Variants in PTPRM observed in about 807,000 individuals in gnomAD.
PTPRM encodes receptor-type tyrosine-protein phosphatase mu.
PTPRM carries 47 observed loss-of-function variants against 186.7 expected under a neutral mutation model. That is an observed-to-expected ratio of 0.25 (90% CI 0.20 to 0.32). The LOEUF (loss-of-function observed/expected upper bound fraction) is 0.32. PTPRM is among the 10% of genes least tolerant of loss of function. PTPRM has a pLI of 1.00. For synonymous variants in PTPRM, 668 were observed against 674.9 expected, an observed-to-expected ratio of 0.99 and a Z score of 0.16; for missense variants, 1,494 against 1,865.0, an observed-to-expected ratio of 0.80 and a Z score of 3.66.
intron 2 of PTPRM, among the ~76,000 whole-genome samples, chr18:7,782,202 T>C (rs1218101009): frequency 6.6e-6 from 1 of 152,198 alleles, no homozygotes; most frequent in Non-Finnish European, 1.5e-5. Flanking sequence ...CTCTTTTCCA[T>C]GTGCGTGGAC....
chr18:7,902,525 C>T (rs1043133638), intron 3 of PTPRM, among the ~76,000 whole-genome samples: 2 of 152,082 alleles, frequency 1.3e-5, no homozygotes, highest in Admixed American at 6.6e-5. Flanking sequence ...CATGGTTCTG[C>T]GTCAGGAAAG....
At chr18:7,822,215 G>C (rs2045238032) in intron 2 of PTPRM, among the ~76,000 whole-genome samples, 1 of 152,210 alleles carries the variant, frequency 6.6e-6, no homozygotes, top group Admixed American at 6.5e-5. Context: ...GGAGGTGTGT[G>C]TATATCCAGA....
intron 1 of PTPRM, among the ~76,000 whole-genome samples, chr18:7,637,392 A>T (rs1272925252): frequency 6.6e-6 from 1 of 152,164 alleles, no homozygotes; most frequent in African/African-American, 2.4e-5. Flanking sequence ...ATTGCATGTT[A>T]TGATATTCTT....
At chr18:7,898,384 A>G (rs2049481425) in intron 3 of PTPRM, among the ~76,000 whole-genome samples, 1 of 152,172 alleles carries the variant, frequency 6.6e-6, no homozygotes, top group Non-Finnish European at 1.5e-5. Flanking sequence ...TTGCTTACAC[A>G]TAGCAAGGAA....
intron 7 of PTPRM, among the ~76,000 whole-genome samples, chr18:7,960,022 G>C (rs1056123705): frequency 1.3e-5 from 2 of 152,158 alleles, no homozygotes; most frequent in Non-Finnish European, 2.9e-5. Flanking sequence ...ATAAGCCATT[G>C]AATAGTAGCT....
At chr18:8,116,060 T>G (rs2091944348) in intron 13 of PTPRM, among the ~76,000 whole-genome samples, 1 of 152,228 alleles carries the variant, frequency 6.6e-6, no homozygotes, top group Non-Finnish European at 1.5e-5. Context: ...AAATTGATAT[T>G]TACTGAAATT....
chr18:8,126,014 TATATATATATATA>T (rs1421565670), intron 13 of PTPRM, among the ~76,000 whole-genome samples: 8 of 24,618 alleles, frequency 3.2e-4, no homozygotes, highest in Middle Eastern at 0.017. Flanking sequence ...TATATATATA[TATATATATATATA>T]TTTTAAATCA....
chr18:8,164,372 A>G (rs1195665412), intron 14 of PTPRM, among the ~76,000 whole-genome samples: 2 of 152,254 alleles, frequency 1.3e-5, no homozygotes, highest in Non-Finnish European at 2.9e-5. Context: ...AAATGAAAAC[A>G]GGGACTCAAA....
At chr18:8,191,558 A>G (rs899241484) in intron 14 of PTPRM, among the ~76,000 whole-genome samples, 3 of 152,170 alleles carry the variant, frequency 2.0e-5, no homozygotes, top group South Asian at 4.1e-4. Context: ...TGTGTAACGA[A>G]AAAGGGGGTA....
At chr18:7,788,111 G>T (rs749048707) in intron 2 of PTPRM, among the ~76,000 whole-genome samples, 43 of 152,174 alleles carry the variant, frequency 2.8e-4, no homozygotes, top group Non-Finnish European at 5.1e-4. Context: ...ACAGTTACAG[G>T]CTCAGAGAAG....
At chr18:8,181,567 G>A (rs1468563543) in intron 14 of PTPRM, among the ~76,000 whole-genome samples, 1 of 152,210 alleles carries the variant, frequency 6.6e-6, no homozygotes, top group Non-Finnish European at 1.5e-5. Flanking sequence ...ATGACCAAGT[G>A]CCAGAAAGCC....
chr18:7,655,004 A>G (rs963835442), intron 1 of PTPRM, among the ~76,000 whole-genome samples: 4 of 152,212 alleles, frequency 2.6e-5, no homozygotes, highest in Admixed American at 2.0e-4. Context: ...GTGGTAGTTT[A>G]CTAAGAATAG....
At chr18:7,994,005 G>C (rs930043482) in intron 7 of PTPRM, among the ~76,000 whole-genome samples, 1 of 151,972 alleles carries the variant, frequency 6.6e-6, no homozygotes, top group African/African-American at 2.4e-5. Context: ...CCAGTTAAAA[G>C]ATATGGACTC....
chr18:7,967,178 A>AC (rs1262915556), intron 7 of PTPRM, among the ~76,000 whole-genome samples: 1 of 35,708 alleles, frequency 2.8e-5, no homozygotes, highest in African/African-American at 8.2e-5. Context: ...ACTGGGAGGC[A>AC]CCCCCCAGCA....
chr18:7,618,060 C>G (rs2037849473), intron 1 of PTPRM, among the ~76,000 whole-genome samples: 1 of 151,974 alleles, frequency 6.6e-6, no homozygotes, highest in East Asian at 1.9e-4. Flanking sequence ...GATGACAGAC[C>G]CATATTGGAA....
chr18:8,061,529 G>T (rs1277157060), intron 7 of PTPRM, among the ~76,000 whole-genome samples: 1 of 92,582 alleles, frequency 1.1e-5, no homozygotes, highest in Non-Finnish European at 2.3e-5. Context: ...TTGCTCGTTA[G>T]TTGATGCAGT....
At chr18:7,996,026 T>C (rs936427945) in intron 7 of PTPRM, among the ~76,000 whole-genome samples, 3 of 152,176 alleles carry the variant, frequency 2.0e-5, no homozygotes, top group Admixed American at 6.5e-5. Context: ...GTTTTTACTA[T>C]GTAGTGATTT....
At chr18:8,279,124 AG>A (rs1432081834) in intron 19 of PTPRM, among the ~76,000 whole-genome samples, 4 of 152,256 alleles carry the variant, frequency 2.6e-5, no homozygotes, top group East Asian at 1.9e-4. Context: ...CTCTTTAGGA[AG>A]GTTGTGAGAT....
At chr18:7,582,675 T>G (rs1000853240) in intron 1 of PTPRM, among the ~76,000 whole-genome samples, 1 of 152,038 alleles carries the variant, frequency 6.6e-6, no homozygotes, top group Non-Finnish European at 1.5e-5. Context: ...ATGGGCAGCA[T>G]GGGAAAAAGA....
Sources: gnomAD v4.1 joint callset for allele counts (sites outside exome capture counted in the v4.1 genomes callset) on GRCh38, gnomAD v4.1.1 for gene constraint, MANE v1.5 for transcripts, NCBI Gene and HGNC (gene_info 2026-07-23, HGNC 2026-07-21) for gene names.